The following CACNA1C variants were observed in gnomAD, a reference collection of about 807,000 sequenced individuals.
CACNA1C encodes voltage-dependent L-type calcium channel subunit alpha-1C.
Under a neutral mutation model 229.0 loss-of-function variants are expected in CACNA1C, and 30 were observed. The observed-to-expected ratio is 0.13, with a 90% CI of 0.10 to 0.18. The LOEUF is 0.18. CACNA1C is among the 10% of genes least tolerant of loss of function. CACNA1C has a pLI of 1.00. For synonymous variants in CACNA1C, 1,114 were observed against 1,132.5 expected, an observed-to-expected ratio of 0.98 and a Z score of 0.33; for missense variants, 1,658 against 2,845.0, an observed-to-expected ratio of 0.58 and a Z score of 9.49.
Position 2,512,734 on chromosome 12 carries a change from C to A in CACNA1C, c.1218-78C>A. 9.2e-7 allele frequency: 1 copy of A among 1,089,286 alleles called. No homozygotes were observed. The highest frequency in any genetic ancestry group is 1.3e-6 in the Non-Finnish European group (1 of 769,946). 67.5% of individuals were successfully genotyped at this position (1,089,286 alleles called of 1,614,324 possible). On this transcript the variant is annotated intron_variant, in intron 8 of 46. Transcript: ENST00000399655. This position sits in a 1 kb window ranked among gnomAD's most constrained non-coding sequence, Gnocchi z 4.3. Reference sequence around the variant, plus strand: ...CTTGTTTCTCCTTATCTCCATCTCTCCTTCCATCCTCGACCCTTCTCGGTG... The same window carrying A: ...CTTGTTTCTCCTTATCTCCATCTCTACTTCCATCCTCGACCCTTCTCGGTG...
chr12:2,605,924 C>T lies in CACNA1C; in HGVS notation c.3156+138C>T, dbSNP rs982767560. 21 of 645,426 alleles carry T rather than the reference C, an allele frequency of 3.3e-5. No homozygotes were observed. In the East Asian group the frequency reaches 3.8e-4, roughly 12 times the overall value. The allele number at this position is 645,426 out of a possible 1,614,324, so 40.0% of individuals were successfully genotyped here. ...TTGGATATAACCTCCACCTGCAGCC[C>T]GACTCAACCTTCAGACCAGGGTAGG... On this transcript the variant is annotated intron_variant, in intron 24 of 46. Transcript: ENST00000399655. This position sits in a 1 kb window ranked among gnomAD's most constrained non-coding sequence, Gnocchi z 6.2.
At position 2,144,355 on chromosome 12, in the gene CACNA1C, T is replaced by A. The variant is rs549961216; in HGVS notation, c.477+23925T>A. Among the ~76,000 whole-genome samples the A allele has an allele frequency of 2.6e-5, 4 of 151,348 alleles. No individual in the cohort carries two copies. In the East Asian group the frequency reaches 7.7e-4, roughly 29 times the overall value. On this transcript the variant is annotated intron_variant, in intron 3 of 46. Transcript: ENST00000399655. ...AAGGAAAAGAAGAGACACCATTCCA[T>A]GTGAAAGATATCATTTTGACATATA...
Position 2,666,830 on chromosome 12 carries a change from T to C in CACNA1C, c.4623+48T>C, listed in dbSNP as rs1249310478. The C allele has an allele frequency of 1.8e-6, 2 of 1,102,046 alleles. No individual in the cohort carries two copies. Among genetic ancestry groups the C allele is most frequent in the East Asian group, 2.5e-5 (1 of 39,584 alleles). The allele number at this position is 1,102,046 out of a possible 1,614,324, so 68.3% of individuals were successfully genotyped here. A position where few individuals can be genotyped will look rare whatever the true frequency, so the allele number is the denominator to read the frequency against. On this transcript the variant is annotated intron_variant, in intron 37 of 46. Coordinates refer to ENST00000399655, the MANE Select transcript of CACNA1C (RefSeq NM_000719.7). This position sits in a 1 kb window ranked among gnomAD's most constrained non-coding sequence, Gnocchi z 5.3. ...GGAGGGAGAGGGAAAATAGGGGAAG[T>C]GAAGTGCCCATTTCTTGTGATCCTT...
intron 3 of CACNA1C, among the ~76,000 whole-genome samples, chr12:2,383,577 T>C (rs904476088): frequency 1.3e-5 from 2 of 152,016 alleles, no homozygotes; most frequent in Non-Finnish European, 2.9e-5. Flanking sequence ...GCAGAGTAAG[T>C]AGGGAATTTT....
intron 3 of CACNA1C, among the ~76,000 whole-genome samples, chr12:2,154,468 A>G (rs1217270060): frequency 6.6e-6 from 1 of 152,190 alleles, no homozygotes; most frequent in African/African-American, 2.4e-5. Context: ...CCTGGCGCCC[A>G]CTTAACAAAC....
chr12:1,981,589 C>A (rs576011978), intron 1 of CACNA1C, among the ~76,000 whole-genome samples: 22 of 152,278 alleles, frequency 1.4e-4, no homozygotes, highest in Non-Finnish European at 2.9e-4. Context: ...ACATGTCTGT[C>A]TTTCGTGCTA....
Position 2,679,497 on chromosome 12 carries a change from G to A in CACNA1C, c.5145G>A (p.Arg1715=), listed in dbSNP as rs761205516. Residue 1715 remains arginine, a synonymous_variant, in exon 42 of 47, where the codon CGG becomes CGA. Coordinates refer to ENST00000399655, the MANE Select transcript of CACNA1C (RefSeq NM_000719.7). This position sits in a 1 kb window ranked among gnomAD's most constrained non-coding sequence, Gnocchi z 5.5. The part of the protein sequence containing the change: ...NHVSYYQSDG[R]SAFPQTFTTQ... ...TCAGCTACTACCAAAGCGACGGCCG[G>A]AGCGCCTTCCCCCAGACCTTCACCA... 6.2e-7 allele frequency: 1 copy of A among 1,607,892 alleles called. No homozygotes were observed. The highest frequency in any genetic ancestry group is 8.5e-7 in the Non-Finnish European group (1 of 1,175,996).
intron 3 of CACNA1C, among the ~76,000 whole-genome samples, chr12:2,416,677 C>T (rs1432362621): frequency 2.0e-5 from 3 of 152,310 alleles, no homozygotes; most frequent in East Asian, 1.9e-4. Flanking sequence ...ACAATTGGGA[C>T]TCCACCCACC....
At chr12:2,241,724 A>G (rs1411219714) in intron 3 of CACNA1C, among the ~76,000 whole-genome samples, 1 of 152,140 alleles carries the variant, frequency 6.6e-6, no homozygotes, top group Non-Finnish European at 1.5e-5. Context: ...GCTATCCTTA[A>G]TCATTCATGG....
At chr12:2,074,666 A>G (rs548712537) in intron 1 of CACNA1C, among the ~76,000 whole-genome samples, 15 of 152,266 alleles carry the variant, frequency 9.9e-5, no homozygotes, top group African/African-American at 3.6e-4. Flanking sequence ...CCTGCTGAAG[A>G]TGTTGCCCTT....
In CACNA1C at chr12:2,115,224, G is replaced by A. The variant is rs747083495; in HGVS notation, c.50G>A (p.Gly17Asp). The change falls in exon 2 of 47, where the codon GGT becomes GAT. Residue 17 changes from glycine (G) to aspartate (D), a missense_variant and splice_region_variant. Coordinates refer to ENST00000399655, the MANE Select transcript of CACNA1C (RefSeq NM_000719.7). ...RMYIPEENHQ[G>D]SNYGSPRPAH... ...TGTGTTCTTTTCTCTTTTGCCACAGGTTCCAACTATGGGAGCCCACGCCCC... is the reference window on the plus strand; with the variant it reads ...TGTGTTCTTTTCTCTTTTGCCACAGATTCCAACTATGGGAGCCCACGCCCC... 1.9e-6 allele frequency: 3 copies of A among 1,556,456 alleles called. No homozygotes were observed. The highest frequency in any genetic ancestry group is 2.6e-6 in the Non-Finnish European group (3 of 1,149,754).
At chr12:2,368,662 A>G (rs1033028755) in intron 3 of CACNA1C, among the ~76,000 whole-genome samples, 3 of 152,246 alleles carry the variant, frequency 2.0e-5, no homozygotes, top group African/African-American at 4.8e-5. Context: ...TATAGGAAAG[A>G]TTGAATATCT....
At chr12:2,584,441 G>A (rs1255666077) in intron 15 of CACNA1C, 62 bp from the exon 16 acceptor site, 2 of 1,156,240 alleles carry the variant, frequency 1.7e-6, no homozygotes, top group Non-Finnish European at 2.6e-6. Flanking sequence ...CATCCCCCGT[G>A]CCCCTGTGCC....
At chr12:2,225,736 T>C (rs1312315457) in intron 3 of CACNA1C, among the ~76,000 whole-genome samples, 1 of 152,216 alleles carries the variant, frequency 6.6e-6, no homozygotes, top group Non-Finnish European at 1.5e-5. Context: ...GAGAGGATGC[T>C]GTAGAGTGGT....
chr12:2,247,338 T>C (rs2073779947), intron 3 of CACNA1C, among the ~76,000 whole-genome samples: 1 of 152,226 alleles, frequency 6.6e-6, no homozygotes, highest in Admixed American at 6.5e-5. Flanking sequence ...GGGTCTGTTT[T>C]TCCTATAAGT....
chr12:2,241,142 A>C (rs1055650774), intron 3 of CACNA1C, among the ~76,000 whole-genome samples: 2 of 151,946 alleles, frequency 1.3e-5, no homozygotes, highest in African/African-American at 4.8e-5. Context: ...CTGACTTGCG[A>C]GTGGTTCAAG....
In CACNA1C at chr12:2,106,106, C is replaced by T. The variant is rs548619203; in HGVS notation, c.50-9118C>T. ...AGCTGGGCGTCCTGAAGCCACTGGG[C>T]GCCCACCCTGGAGAGGGTTTCCACC... On this transcript the variant is annotated intron_variant, in intron 1 of 46. Coordinates refer to ENST00000399655, the MANE Select transcript of CACNA1C (RefSeq NM_000719.7). Among the ~76,000 whole-genome samples the T allele has an allele frequency of 8.1e-5, 4 of 49,162 alleles. 1 individual carries two copies. Among genetic ancestry groups the T allele is most frequent in the Non-Finnish European group, 1.9e-4 (4 of 20,680 alleles). 32.3% of individuals were successfully genotyped at this position (49,162 alleles called of 152,430 possible).
chr12:2,253,759 G>A (rs111898575), intron 3 of CACNA1C, among the ~76,000 whole-genome samples: 90 of 152,284 alleles, frequency 5.9e-4, no homozygotes, highest in Non-Finnish European at 1.1e-3. Flanking sequence ...TTTAAGTAGC[G>A]CTTACCACTA....
chr12:2,587,325 C>A (rs1293071250), intron 18 of CACNA1C, among the ~76,000 whole-genome samples: 5 of 152,320 alleles, frequency 3.3e-5, no homozygotes, highest in African/African-American at 9.6e-5. Flanking sequence ...TTGTGTAAAT[C>A]TTTAAGGTTT....
Sources: allele counts gnomAD v4.1 joint callset (sites outside exome capture counted in the v4.1 genomes callset), GRCh38; gene constraint gnomAD v4.1.1; non-coding constraint Gnocchi (gnomAD v3.1); transcripts MANE v1.5; gene names NCBI Gene and HGNC (gene_info 2026-07-23, HGNC 2026-07-21).